GRM7: variants seen among roughly 807,000 people sequenced by gnomAD.
GRM7 encodes the protein glutamate metabotropic receptor 7.
GRM7 carries 35 observed loss-of-function variants against 84.5 expected under a neutral mutation model. The observed-to-expected ratio is 0.41, with a 90% CI of 0.32 to 0.55. GRM7 has a LOEUF of 0.55. Ranked by LOEUF, GRM7 falls within the 20% of genes least tolerant of loss-of-function variation. The pLI, the probability that GRM7 is intolerant of heterozygous loss-of-function variation, is 0.19. For missense variants in GRM7, 1,003 were observed against 1,194.6 expected (o/e 0.84, Z 2.36); for synonymous variants, 487 against 455.1 (o/e 1.07, Z -0.89).
At chr3:7,642,585 G>A (rs1001548326) in intron 8 of GRM7, among the ~76,000 whole-genome samples, 7 of 152,062 alleles carry the variant, frequency 4.6e-5, no homozygotes, top group African/African-American at 1.4e-4. Flanking sequence ...ATAAGGTCAC[G>A]GGACTGTATT....
At chr3:7,223,192 T>C (rs571946078) in intron 2 of GRM7, among the ~76,000 whole-genome samples, 108 of 152,294 alleles carry the variant, frequency 7.1e-4, no homozygotes, top group Non-Finnish European at 1.1e-3. Context: ...ATATTAGACT[T>C]TAAATATTTG....
At chr3:7,550,281 CCCT>C (rs1420162515) in intron 7 of GRM7, among the ~76,000 whole-genome samples, 1 of 146,036 alleles carries the variant, frequency 6.8e-6, no homozygotes, top group Admixed American at 6.8e-5. Context: ...CCCCTCCTCC[CCCT>C]CCTCTTCTTC....
At chr3:7,254,277 C>A (rs1192365011) in intron 2 of GRM7, among the ~76,000 whole-genome samples, 2 of 152,184 alleles carry the variant, frequency 1.3e-5, no homozygotes, top group African/African-American at 4.8e-5. Flanking sequence ...CAAACTGCCC[C>A]CATTTTCACT....
At position 6,939,784 on chromosome 3, in the gene GRM7, C is replaced by A. The variant is rs148861158; in HGVS notation, c.519+77877C>A. Among the ~76,000 whole-genome samples, 750 of 152,238 alleles carry A rather than the reference C, an allele frequency of 4.9e-3. 11 individuals are homozygous for A. Among genetic ancestry groups the A allele is most frequent in the African/African-American group, 0.017 (712 of 41,544 alleles). On this transcript the variant is annotated intron_variant, in intron 1 of 9. Coordinates refer to ENST00000357716, the MANE Select transcript of GRM7 (RefSeq NM_000844.4). ...TTAAATTGAATATTTACCTAATCAG[C>A]AGGCTAAGGATGTTTTCTGGTTTCT... is the stretch of plus-strand genomic sequence containing the variant.
intron 1 of GRM7, among the ~76,000 whole-genome samples, chr3:6,889,299 T>A (rs1695836486): frequency 6.6e-6 from 1 of 152,192 alleles, no homozygotes; most frequent in Admixed American, 6.5e-5. Context: ...AGGGCATCCC[T>A]TTCTTGTGCC....
intron 1 of GRM7, among the ~76,000 whole-genome samples, chr3:7,098,426 T>C (rs1011757970): frequency 2.6e-5 from 4 of 152,034 alleles, no homozygotes; most frequent in African/African-American, 9.7e-5. Context: ...AGGGTCACTT[T>C]GGAGTTATCA....
chr3:7,080,345 C>T (rs370434829), intron 1 of GRM7, among the ~76,000 whole-genome samples: 9 of 151,982 alleles, frequency 5.9e-5, no homozygotes, highest in Admixed American at 2.6e-4. Context: ...CCAGTCTCCT[C>T]GCTGTGTACT....
chr3:7,309,282 G>A (rs540419331), intron 4 of GRM7, among the ~76,000 whole-genome samples: 32 of 152,262 alleles, frequency 2.1e-4, no homozygotes, highest in African/African-American at 7.7e-4. Flanking sequence ...TTATGCCAAA[G>A]CTTCTGAACA....
chr3:7,593,109 A>G (rs1437104598), intron 8 of GRM7, among the ~76,000 whole-genome samples: 1 of 152,212 alleles, frequency 6.6e-6, no homozygotes, highest in Non-Finnish European at 1.5e-5. Flanking sequence ...CACTGACTCA[A>G]CAATAATACT....
rs116108432 is a variant in GRM7, at chr3:7,010,508, C to T, written c.520-135944C>T. Among the ~76,000 whole-genome samples the T allele has an allele frequency of 2.4e-3, 362 of 152,296 alleles. 1 individual carries two copies. The highest frequency in any genetic ancestry group is 4.1e-3 in the Non-Finnish European group (282 of 68,032). On this transcript the variant is annotated intron_variant, in intron 1 of 9. Transcript: ENST00000357716. Reference sequence around the variant, plus strand: ...CTGGCTAAACTGATCTAATAGGATTCTTGCTGAAGGCAAGTCCAAGGTGAT... The same window carrying T: ...CTGGCTAAACTGATCTAATAGGATTTTTGCTGAAGGCAAGTCCAAGGTGAT...
intron 2 of GRM7, among the ~76,000 whole-genome samples, chr3:7,183,700 A>G (rs1236767008): frequency 1.3e-5 from 2 of 152,186 alleles, no homozygotes; most frequent in Non-Finnish European, 2.9e-5. Context: ...TGAGTCTGGC[A>G]TAAAGAAAGT....
intron 7 of GRM7, among the ~76,000 whole-genome samples, chr3:7,498,641 G>C (rs1489852006): frequency 6.6e-6 from 1 of 152,176 alleles, no homozygotes; most frequent in African/African-American, 2.4e-5. Context: ...ATCAGTGTGT[G>C]TGACCAGCAG....
chr3:7,354,513 T>G (rs934717865), intron 4 of GRM7, among the ~76,000 whole-genome samples: 1 of 152,116 alleles, frequency 6.6e-6, no homozygotes, highest in Admixed American at 6.6e-5. Flanking sequence ...ATGGAAGCCA[T>G]TAGAGCTGCT....
chr3:7,730,134 A>T (rs1702264857), intron 9 of GRM7, among the ~76,000 whole-genome samples: 1 of 149,256 alleles, frequency 6.7e-6, no homozygotes, highest in Non-Finnish European at 1.5e-5. Context: ...TGGCCTCCCA[A>T]AGTGCTGGGA....
chr3:7,206,090 C>A (rs9840189), intron 2 of GRM7, among the ~76,000 whole-genome samples: 46,134 of 151,848 alleles, frequency 0.3, 7,185 homozygotes, highest in African/African-American at 0.36. Context: ...TTGTGGTAAG[C>A]GGGGATGAAA....
chr3:6,976,555 T>C (rs1694005739), intron 1 of GRM7, among the ~76,000 whole-genome samples: 1 of 152,220 alleles, frequency 6.6e-6, no homozygotes, highest in African/African-American at 2.4e-5. Context: ...AATCTTTTTA[T>C]TTATTTTTTG....
chr3:7,225,093 ACT>A (rs1696939792), intron 2 of GRM7, among the ~76,000 whole-genome samples: 1 of 152,078 alleles, frequency 6.6e-6, no homozygotes. Context: ...TTGATTGTTT[ACT>A]CTCTTTGATG....
intron 2 of GRM7, among the ~76,000 whole-genome samples, chr3:7,238,491 A>T (rs1338139877): frequency 6.6e-6 from 1 of 152,072 alleles, no homozygotes; most frequent in African/African-American, 2.4e-5. Flanking sequence ...GTTGTCTAAT[A>T]AACTTTGTTT....
chr3:7,094,250 T>C (rs73115053), intron 1 of GRM7, among the ~76,000 whole-genome samples: 10,616 of 152,146 alleles, frequency 0.07, 447 homozygotes, highest in African/African-American at 0.12. Context: ...TTTATAAAAA[T>C]AAAGAATGAG....
Sources: gnomAD v4.1 joint callset for allele counts (sites outside exome capture counted in the v4.1 genomes callset) on GRCh38, gnomAD v4.1.1 for gene constraint, MANE v1.5 for transcripts, NCBI Gene and HGNC (gene_info 2026-07-23, HGNC 2026-07-21) for gene names.